PIK3CB: variants seen among roughly 807,000 people sequenced by gnomAD.
PIK3CB encodes phosphatidylinositol 4,5-bisphosphate 3-kinase catalytic subunit beta isoform.
A neutral mutation model predicts 136.8 loss-of-function variants in PIK3CB; 39 were observed. The ratio of observed to expected loss-of-function variants is 0.29; its 90% CI spans 0.22 to 0.37. The LOEUF is 0.37. Among genes scored for constraint, PIK3CB ranks in the 10% least tolerant of loss-of-function variants. The pLI, the probability that PIK3CB is intolerant of heterozygous loss-of-function variation, is 1.00. For missense variants in PIK3CB, 868 were observed against 1,275.4 expected, an observed-to-expected ratio of 0.68 and a Z score of 4.87; for synonymous variants, 428 against 436.6, an observed-to-expected ratio of 0.98 and a Z score of 0.25.
chr3:138,761,466 A>G (rs537235238), intron 2 of PIK3CB, among the ~76,000 whole-genome samples: 1 of 152,352 alleles, frequency 6.6e-6, no homozygotes, highest in African/African-American at 2.4e-5. Flanking sequence ...TAGCTGGAAC[A>G]AATCAACTAT....
chr3:138,748,676 G>A (rs2045410227), intron 4 of PIK3CB, among the ~76,000 whole-genome samples: 1 of 152,138 alleles, frequency 6.6e-6, no homozygotes, highest in South Asian at 2.1e-4. Context: ...GTGTTTTTAA[G>A]GGCACCAGAT....
intron 1 of PIK3CB, among the ~76,000 whole-genome samples, chr3:138,800,551 A>C (rs2046161357): frequency 7.1e-6 from 1 of 140,416 alleles, no homozygotes; most frequent in Non-Finnish European, 1.6e-5. Flanking sequence ...TCCAGGGCTC[A>C]AGCAATCCTC....
intron 2 of PIK3CB, among the ~76,000 whole-genome samples, chr3:138,771,657 A>G (rs987827196): frequency 6.6e-5 from 10 of 152,230 alleles, no homozygotes; most frequent in Admixed American, 5.9e-4. Flanking sequence ...ATAAAATGAC[A>G]TTTAAACTTA....
At chr3:138,708,640 G>A (rs971199185) in intron 10 of PIK3CB, among the ~76,000 whole-genome samples, 3 of 148,098 alleles carry the variant, frequency 2.0e-5, no homozygotes, top group Non-Finnish European at 4.5e-5. Context: ...ACGGGGTCTT[G>A]CCACATTGCC....
intron 4 of PIK3CB, among the ~76,000 whole-genome samples, chr3:138,747,054 TTATATATA>T (rs59299476): frequency 1.9e-3 from 81 of 42,206 alleles, no homozygotes; most frequent in East Asian, 4.1e-3. Flanking sequence ...TATTCAGCCT[TTATATATA>T]TATATATATA....
At chr3:138,820,968 T>C (rs1184863386) in intron 1 of PIK3CB, among the ~76,000 whole-genome samples, 2 of 152,118 alleles carry the variant, frequency 1.3e-5, no homozygotes, top group African/African-American at 2.4e-5. Flanking sequence ...CATGTGAGTA[T>C]ACCAATAGGA....
chr3:138,759,318 G>C lies in PIK3CB; in HGVS notation c.26C>G (p.Pro9Arg). ...GATGTCAAGGATGTCTGCCATAGCA[G>C]GAGGCATTATGAAACTGAAGCACAT... MCFSFIMP[P>R]AMADILDIWA... The change falls in exon 3 of 24, where the codon CCT (proline) becomes CGT (arginine). Residue 9 changes from proline to arginine, a missense_variant. Physicochemically the swap from Pro to Arg is moderately radical, Grantham distance 103 (BLOSUM62 -2). Coordinates refer to ENST00000674063, the MANE Select transcript of PIK3CB (RefSeq NM_006219.3). The C allele has an allele frequency of 6.2e-7, 1 of 1,608,982 alleles. No individual in the cohort carries two copies.
chr3:138,729,558 C>G lies in PIK3CB; in HGVS notation c.1050+3803G>C, dbSNP rs572686284. On this transcript the variant is annotated intron_variant, in intron 8 of 23. Transcript: ENST00000674063. ...CCTCCCCAAGTAAGACAGAATTCTT[C>G]CTGCTTGACTGCCTTGTAACTGGGA... Among the ~76,000 whole-genome samples the G allele has an allele frequency of 3.3e-5, 5 of 152,258 alleles. No individual in the cohort carries two copies. In the East Asian group the frequency reaches 7.8e-4, roughly 24 times the overall value.
At chr3:138,789,910 C>T (rs938378587) in intron 2 of PIK3CB, among the ~76,000 whole-genome samples, 2 of 152,020 alleles carry the variant, frequency 1.3e-5, no homozygotes, top group Admixed American at 6.6e-5. Flanking sequence ...AGGCTGGTCT[C>T]GAACTCCTGA....
At chr3:138,667,630 C>A (rs1280185259) in intron 19 of PIK3CB, among the ~76,000 whole-genome samples, 2 of 151,128 alleles carry the variant, frequency 1.3e-5, no homozygotes, top group Non-Finnish European at 2.9e-5. Context: ...GGCGCAATCT[C>A]GGCTCACTGC....
chr3:138,824,559 C>T (rs1933697124), intron 1 of PIK3CB, among the ~76,000 whole-genome samples: 1 of 151,902 alleles, frequency 6.6e-6, no homozygotes. Flanking sequence ...CTTTGGGAGG[C>T]CCAGGCAGGT....
intron 2 of PIK3CB, among the ~76,000 whole-genome samples, chr3:138,764,129 AT>A (rs2045698632): frequency 1.3e-5 from 2 of 150,560 alleles, no homozygotes; most frequent in East Asian, 3.9e-4. Flanking sequence ...AAAAAAAAAA[AT>A]TCTTGATGAA....
intron 2 of PIK3CB, among the ~76,000 whole-genome samples, chr3:138,789,575 G>C (rs2046025129): frequency 6.6e-6 from 1 of 152,208 alleles, no homozygotes. Flanking sequence ...GTACACCAGT[G>C]CTCACAGCAG....
chr3:138,816,937 A>G (rs1933360170), intron 1 of PIK3CB, among the ~76,000 whole-genome samples: 1 of 152,088 alleles, frequency 6.6e-6, no homozygotes, highest in African/African-American at 2.4e-5. Flanking sequence ...GCCGTGGCTC[A>G]CGCCTGTAAT....
intron 9 of PIK3CB, among the ~76,000 whole-genome samples, chr3:138,712,987 A>G (rs1019807821): frequency 1.3e-5 from 2 of 152,158 alleles, no homozygotes; most frequent in African/African-American, 4.8e-5. Flanking sequence ...GCATATAAAT[A>G]TATCTCTAAA....
At chr3:138,790,144 A>G (rs577467066) in intron 2 of PIK3CB, among the ~76,000 whole-genome samples, 186 of 152,346 alleles carry the variant, frequency 1.2e-3, no homozygotes, top group Non-Finnish European at 2.4e-3. Flanking sequence ...TCAAATTCAT[A>G]GAGACAGAAA....
chr3:138,694,192 C>T (rs2044086801), intron 14 of PIK3CB, among the ~76,000 whole-genome samples: 1 of 151,300 alleles, frequency 6.6e-6, no homozygotes. Flanking sequence ...CTCACTGCAC[C>T]TAAACTATTT....
intron 8 of PIK3CB, among the ~76,000 whole-genome samples, chr3:138,733,031 T>C (rs1414391086): frequency 6.6e-6 from 1 of 151,198 alleles, no homozygotes; most frequent in Non-Finnish European, 1.5e-5. Context: ...CTTTGAATTA[T>C]TTCTCTCAAC....
intron 1 of PIK3CB, among the ~76,000 whole-genome samples, chr3:138,810,122 AAAGT>A (rs1388584476): frequency 1.3e-5 from 2 of 152,368 alleles, no homozygotes; most frequent in East Asian, 1.9e-4. Flanking sequence ...TTTGAGCAAC[AAAGT>A]AATAAAGTAT....
Sources: gnomAD v4.1 joint callset for allele counts (sites outside exome capture counted in the v4.1 genomes callset) on GRCh38, gnomAD v4.1.1 for gene constraint, MANE v1.5 for transcripts, NCBI Gene and HGNC (gene_info 2026-07-23, HGNC 2026-07-21) for gene names.